The following TENT4B variants were observed in gnomAD, a reference collection of about 807,000 sequenced individuals.
TENT4B encodes the protein terminal nucleotidyltransferase 4B, also known as PAP associated domain containing 5.
TENT4B carries 10 observed loss-of-function variants against 75.0 expected under a neutral mutation model. The observed-to-expected ratio is 0.13, with a 90% CI of 0.08 to 0.23. The LOEUF is 0.23. Ranked by LOEUF, TENT4B falls within the 10% of genes least tolerant of loss-of-function variation. The probability of loss-of-function intolerance (pLI) is 1.00; values close to 1 mark genes in which losing one functional copy is unlikely to be tolerated. For missense variants in TENT4B, 579 were observed against 893.8 expected, an observed-to-expected ratio of 0.65 and a Z score of 4.49; for synonymous variants, 350 against 357.7, an observed-to-expected ratio of 0.98 and a Z score of 0.24.
chr16:50,195,716 T>G (rs1424582968), intron 1 of TENT4B, among the ~76,000 whole-genome samples: 2 of 152,336 alleles, frequency 1.3e-5, no homozygotes, highest in South Asian at 4.1e-4. Context: ...TGAGGCCTCT[T>G]TAAAATTATC....
intron 1 of TENT4B, among the ~76,000 whole-genome samples, chr16:50,194,810 G>A (rs575484901): frequency 2.4e-3 from 348 of 142,834 alleles, no homozygotes; most frequent in African/African-American, 8.4e-3. Flanking sequence ...GTGCAGTGGC[G>A]CGATCTCGGC....
At chr16:50,212,604 C>T (rs535743465) in intron 2 of TENT4B, among the ~76,000 whole-genome samples, 74 of 152,186 alleles carry the variant, frequency 4.9e-4, no homozygotes, top group Admixed American at 1.6e-3. Context: ...GTATATGACA[C>T]TGTAGGTAAA....
chr16:50,154,990 C>G (rs1288154602), intron 1 of TENT4B, among the ~76,000 whole-genome samples: 1 of 152,070 alleles, frequency 6.6e-6, no homozygotes, highest in Non-Finnish European at 1.5e-5. Context: ...GTTCATGGTC[C>G]GCGGCTCCAG....
At chr16:50,197,948 A>G (rs927151590) in intron 1 of TENT4B, among the ~76,000 whole-genome samples, 1 of 152,130 alleles carries the variant, frequency 6.6e-6, no homozygotes. Flanking sequence ...TTTAGGCTAA[A>G]CTTGATTTAA....
intron 10 of TENT4B, among the ~76,000 whole-genome samples, chr16:50,226,165 A>G (rs1007243895): frequency 6.6e-6 from 1 of 150,938 alleles, no homozygotes; most frequent in Non-Finnish European, 1.5e-5. Context: ...ACACCCAGCT[A>G]ATTTTTTGTA....
intron 1 of TENT4B, among the ~76,000 whole-genome samples, chr16:50,193,331 G>GTTTTTTTTTT (rs774084083): frequency 9.9e-6 from 1 of 101,482 alleles, no homozygotes; most frequent in Non-Finnish European, 1.9e-5. Context: ...AGTTCCTGGA[G>GTTTTTTTTTT]TTTTTTTTTT....
At chr16:50,201,100 C>T (rs1176822474) in intron 1 of TENT4B, among the ~76,000 whole-genome samples, 1 of 152,100 alleles carries the variant, frequency 6.6e-6, no homozygotes, top group Non-Finnish European at 1.5e-5. Context: ...TAGCCTAGCT[C>T]AGAATTTATT....
chr16:50,160,428 A>G (rs988581000), intron 1 of TENT4B, among the ~76,000 whole-genome samples: 11 of 152,170 alleles, frequency 7.2e-5, no homozygotes, highest in Non-Finnish European at 1.2e-4. Context: ...GGCTTACTAC[A>G]TTACAGGAAA....
chr16:50,222,365 C>A lies in TENT4B; in HGVS notation c.1098C>A (p.Asp366Glu). 6.2e-7 allele frequency: 1 copy of A among 1,612,118 alleles called. No homozygotes were observed. Among genetic ancestry groups the A allele is most frequent in the South Asian group, 1.1e-5 (1 of 90,788 alleles). Residue 366 changes from aspartate (D) to glutamate (E), a missense_variant, in exon 6 of 12, where the codon GAC becomes GAA. Asp to Glu is a conservative substitution (Grantham distance 45). Coordinates refer to ENST00000561678, the MANE Select transcript of TENT4B (RefSeq NM_001365324.3). ...TGAAACAATTCCTATTGCAGAGGGA[C>A]CTTAATGAAGTATTTACAGGTGGAA... ...LVLKQFLLQR[D>E]LNEVFTGGIG... is the part of the protein sequence containing the mutation.
chr16:50,224,485 A>G (rs1441194595), intron 7 of TENT4B, among the ~76,000 whole-genome samples, 172 bp from the exon 8 acceptor site: 1 of 152,182 alleles, frequency 6.6e-6, no homozygotes, highest in African/African-American at 2.4e-5. Context: ...TACCAACTGC[A>G]TGATTCACAT....
chr16:50,220,671 T>C (rs1404725743), intron 5 of TENT4B, among the ~76,000 whole-genome samples: 1 of 151,868 alleles, frequency 6.6e-6, no homozygotes, highest in Non-Finnish European at 1.5e-5. Flanking sequence ...TGGGACTACA[T>C]ATGTGTGCCA....
intron 1 of TENT4B, among the ~76,000 whole-genome samples, chr16:50,171,970 G>T (rs1278063652): frequency 6.6e-6 from 1 of 152,072 alleles, no homozygotes; most frequent in Non-Finnish European, 1.5e-5. Context: ...AGCCAACGGG[G>T]TGGAGGTTGC....
intron 1 of TENT4B, among the ~76,000 whole-genome samples, chr16:50,209,691 A>C (rs2031177579): frequency 6.6e-6 from 1 of 152,194 alleles, no homozygotes; most frequent in African/African-American, 2.4e-5. Flanking sequence ...TGTACCTGAC[A>C]CACTGAAGCC....
Position 50,223,232 on chromosome 16 carries a change from A to G in TENT4B, c.1226A>G (p.Glu409Gly). The G allele has an allele frequency of 6.2e-7, 1 of 1,613,836 alleles. No homozygotes were observed. Among genetic ancestry groups the G allele is most frequent in the Non-Finnish European group, 8.5e-7 (1 of 1,179,778 alleles). The change falls in exon 7 of 12, where the codon GAA (glutamate) becomes GGA (glycine). Residue 409 changes from glutamate (E) to glycine (G), a missense_variant. Coordinates refer to ENST00000561678, the MANE Select transcript of TENT4B (RefSeq NM_001365324.3). ...PNTNYGVLLI[E>G]FFELYGRHFN... Reference sequence around the variant, plus strand: ...ACAAACTATGGTGTTCTCTTAATAGAATTTTTTGAATTATATGGACGACAC... The same window carrying G: ...ACAAACTATGGTGTTCTCTTAATAGGATTTTTTGAATTATATGGACGACAC...
intron 1 of TENT4B, among the ~76,000 whole-genome samples, chr16:50,179,231 G>A (rs1268920271): frequency 2.0e-5 from 3 of 152,000 alleles, no homozygotes; most frequent in South Asian, 4.1e-4. Flanking sequence ...GTGTGGTGGC[G>A]CATGCCTGTA....
At chr16:50,218,715 A>G (rs1396269722) in intron 5 of TENT4B, among the ~76,000 whole-genome samples, 1 of 152,122 alleles carries the variant, frequency 6.6e-6, no homozygotes, top group Admixed American at 6.5e-5. Context: ...CTAGATTTCA[A>G]TCCCTAAATT....
chr16:50,223,131 A>C, intron 6 of TENT4B, 43 bp from the exon 7 acceptor site: 3 of 1,453,850 alleles, frequency 2.1e-6, no homozygotes, highest in Non-Finnish European at 2.8e-6. Flanking sequence ...CTCCTTGATA[A>C]TTTAGCAAAA....
chr16:50,216,989 C>T (rs986835308), intron 4 of TENT4B, among the ~76,000 whole-genome samples: 1 of 151,956 alleles, frequency 6.6e-6, no homozygotes, highest in African/African-American at 2.4e-5. Flanking sequence ...CAAAACTGAC[C>T]AGTAATGCAA....
chr16:50,218,980 G>GA (rs2031700569), intron 5 of TENT4B, among the ~76,000 whole-genome samples: 1 of 151,006 alleles, frequency 6.6e-6, no homozygotes, highest in South Asian at 2.1e-4. Flanking sequence ...TGTTTTTTAA[G>GA]AAAAAAATGT....
Sources: allele counts gnomAD v4.1 joint callset (sites outside exome capture counted in the v4.1 genomes callset), GRCh38; gene constraint gnomAD v4.1.1; transcripts MANE v1.5; gene names NCBI Gene and HGNC (gene_info 2026-07-23, HGNC 2026-07-21).